DOP1B: variants seen among roughly 807,000 people sequenced by gnomAD.
The protein encoded by DOP1B is protein DOP1B.
In DOP1B, 174 loss-of-function variants were observed where a neutral mutation model predicts 233.5. The observed-to-expected ratio is 0.75, with a 90% CI of 0.66 to 0.85. The LOEUF (loss-of-function observed/expected upper bound fraction) is 0.85, where lower values mean the gene tolerates loss of function less well. Ranked by LOEUF, DOP1B falls within the 40% of genes least tolerant of loss-of-function variation. The pLI is 0.00. For synonymous variants in DOP1B, 1,190 were observed against 1,185.6 expected, an observed-to-expected ratio of 1.00 and a Z score of -0.08; for missense variants, 2,652 against 2,846.6, an observed-to-expected ratio of 0.93 and a Z score of 1.56.
chr21:36,189,126 T>C (rs904627783), intron 2 of DOP1B, among the ~76,000 whole-genome samples: 5 of 152,174 alleles, frequency 3.3e-5, no homozygotes, highest in African/African-American at 1.2e-4. Context: ...TACTGTCAGG[T>C]TGTGTAAAGT....
At chr21:36,272,265 A>C (rs2067297169) in intron 27 of DOP1B, among the ~76,000 whole-genome samples, 1 of 152,134 alleles carries the variant, frequency 6.6e-6, no homozygotes, top group Non-Finnish European at 1.5e-5. Flanking sequence ...AGGTGAGAGG[A>C]TGGCTTGAGG....
chr21:36,195,549 G>A (rs2066281882), intron 2 of DOP1B, among the ~76,000 whole-genome samples: 1 of 151,970 alleles, frequency 6.6e-6, no homozygotes, highest in Admixed American at 6.6e-5. Context: ...ATCAAAACAT[G>A]ATAAACATGG....
chr21:36,217,091 A>G (rs1569027364), intron 9 of DOP1B, among the ~76,000 whole-genome samples: 1 of 150,258 alleles, frequency 6.7e-6, no homozygotes, highest in African/African-American at 2.5e-5. Flanking sequence ...AAAAAAAAAA[A>G]AAAGAGAGCT....
chr21:36,281,613 T>C lies in DOP1B; in HGVS notation c.6160+2T>C, dbSNP rs776407339. The C allele has an allele frequency of 6.3e-7, 1 of 1,580,312 alleles. No homozygotes were observed. Among genetic ancestry groups the C allele is most frequent in the Non-Finnish European group, 8.7e-7 (1 of 1,155,008 alleles). On this transcript the variant is annotated splice_donor_variant, in intron 32 of 36. Coordinates refer to ENST00000691173, the MANE Select transcript of DOP1B (RefSeq NM_001320714.2). LOFTEE classifies it high-confidence loss of function. ...ACCTTTACCTTCCACTGATACAAGGTAAGACAGCTGTCTTAGTCTGTTTTT... is the reference window on the plus strand; with the variant it reads ...ACCTTTACCTTCCACTGATACAAGGCAAGACAGCTGTCTTAGTCTGTTTTT...
rs761100361 is a variant in DOP1B at position 36,225,677 on chromosome 21, G to A, written c.1473+10G>A. On this transcript the variant is annotated intron_variant, in intron 12 of 36. Transcript: ENST00000691173. ...GGATGTCATTCCTTTGGTGAGTGCT[G>A]GGGAAGGGACATCTCAACGCCTGCT... 6.2e-7 allele frequency: 1 copy of A among 1,613,894 alleles called. No homozygotes were observed.
At position 36,200,485 on chromosome 21, in the gene DOP1B, TC is replaced by T; in HGVS notation, c.477del (p.Glu160ArgfsTer11). 6.2e-7 allele frequency: 1 copy of T among 1,608,276 alleles called. No individual in the cohort carries two copies. Among genetic ancestry groups the T allele is most frequent in the Non-Finnish European group, 8.5e-7 (1 of 1,178,390 alleles). ...VGLLPGLEEG[S>X]EISDRTDALL... ...CCTGCTGCCCGGCCTTGAAGAGGGC[TC>T]CGAGATCTCCGACAGGTGCGTGGGC... On this transcript the variant is annotated frameshift_variant, in exon 4 of 37. Transcript: ENST00000691173. LOFTEE classifies it high-confidence loss of function.
At chr21:36,197,026 G>A (rs948294035) in intron 2 of DOP1B, among the ~76,000 whole-genome samples, 6 of 151,214 alleles carry the variant, frequency 4.0e-5, no homozygotes, top group Admixed American at 4.0e-4. Context: ...TCTGCCTCCT[G>A]GGTTCAAGTG....
chr21:36,246,488 T>C lies in DOP1B; in HGVS notation c.4508T>C (p.Val1503Ala). 6.2e-7 allele frequency: 1 copy of C among 1,614,084 alleles called. No individual in the cohort carries two copies. ...TCCCAGGGTCTTCTGGTCTCTGCGG[T>C]GGTGAGGGGTCTGCAGCCCGCCTAC... The part of the protein sequence containing the change: ...LTSQGLLVSA[V>A]VRGLQPAYGY... The change falls in exon 19 of 37, where the codon GTG (valine) becomes GCG (alanine). Residue 1503 changes from valine (V) to alanine (A), a missense_variant. By Grantham distance (64) the Val-to-Ala change is moderately conservative. Coordinates refer to ENST00000691173, the MANE Select transcript of DOP1B (RefSeq NM_001320714.2). This position sits in a 1 kb window ranked among gnomAD's most constrained non-coding sequence, Gnocchi z 5.1.
At chr21:36,201,342 A>ATTTTTTTTTTTTTTTT (rs1187890925) in intron 4 of DOP1B, among the ~76,000 whole-genome samples, 1 of 46,982 alleles carries the variant, frequency 2.1e-5, no homozygotes, top group African/African-American at 1.2e-4. Context: ...TATCTATTGG[A>ATTTTTTTTTTTTTTTT]TTCTTTTTTT....
Position 36,230,858 on chromosome 21 carries a change from T to C in DOP1B, c.2074T>C (p.Phe692Leu), listed in dbSNP as rs2066755498. Residue 692 changes from phenylalanine to leucine, a missense_variant, in exon 14 of 37, where the codon TTC becomes CTC. Around this residue, in one of 3 missense-constraint regions of DOP1B, gnomAD observed 2,617 missense variants for 2,794.3 expected, o/e 0.94. Coordinates refer to ENST00000691173, the MANE Select transcript of DOP1B (RefSeq NM_001320714.2). ...WEPKPITVPQFKQMLSDLFTA... is the reference protein window; with the variant it reads ...WEPKPITVPQLKQMLSDLFTA... ...GCCCAAGCCCATCACTGTGCCTCAGTTCAAGCAGATGCTGTCAGACTTGTT... is the reference window on the plus strand; with the variant it reads ...GCCCAAGCCCATCACTGTGCCTCAGCTCAAGCAGATGCTGTCAGACTTGTT... The C allele has an allele frequency of 4.3e-6, 7 of 1,613,924 alleles. No individual in the cohort carries two copies. Among genetic ancestry groups the C allele is most frequent in the Non-Finnish European group, 5.9e-6 (7 of 1,179,978 alleles).
intron 18 of DOP1B, among the ~76,000 whole-genome samples, chr21:36,240,893 C>T (rs900172468): frequency 6.6e-6 from 1 of 152,108 alleles, no homozygotes; most frequent in African/African-American, 2.4e-5. Context: ...AGAAGAAGTA[C>T]TGCATTCATT....
intron 1 of DOP1B, among the ~76,000 whole-genome samples, chr21:36,164,189 C>A (rs2065889499): frequency 6.6e-6 from 1 of 152,146 alleles, no homozygotes; most frequent in East Asian, 1.9e-4. Flanking sequence ...CATGGTGATA[C>A]ATCCCAATAG....
intron 35 of DOP1B, 30 bp from the exon 36 acceptor site, chr21:36,292,074 C>T (rs9977791): frequency 0.26 from 413,618 of 1,567,866 alleles, 56,758 homozygotes; most frequent in Middle Eastern, 0.31. Flanking sequence ...CTCTTACCAG[C>T]AGACCTGACC....
rs763666922 is a variant in DOP1B, at chr21:36,245,646, G to A, written c.3666G>A (p.Glu1222=). Residue 1222 remains glutamate, a synonymous_variant, in exon 19 of 37, where the codon GAG becomes GAA. Transcript: ENST00000691173. This position sits in a 1 kb window ranked among gnomAD's most constrained non-coding sequence, Gnocchi z 5.5. ...AGCGGGAAAGGCAGGAGGCCGTCGA[G>A]GCCTTGTTCAAGCACATCCTGCTCT... is the stretch of plus-strand genomic sequence containing the variant. The part of the protein sequence containing the change: ...KQQRERQEAV[E]ALFKHILLYL... 2 of 1,613,504 alleles carry A rather than the reference G, an allele frequency of 1.2e-6. No individual in the cohort carries two copies. Among genetic ancestry groups the A allele is most frequent in the Non-Finnish European group, 1.7e-6 (2 of 1,179,990 alleles).
In DOP1B at chr21:36,211,620, TTC is replaced by T. The variant is rs1165949715; in HGVS notation, c.751_752del (p.Leu251ValfsTer13). On this transcript the variant is annotated frameshift_variant, in exon 6 of 37. Transcript: ENST00000691173. LOFTEE classifies it high-confidence loss of function. ...GTGCAAAGAAATAATCTGGAAATCG[TTC>T]TGTTTTTCTTCCCATTTTATACCTG... 26 of 1,614,158 alleles carry T rather than the reference TTC, an allele frequency of 1.6e-5. No homozygotes were observed. The highest frequency in any genetic ancestry group is 2.0e-5 in the Non-Finnish European group (24 of 1,180,030).
chr21:36,248,458 A>G lies in DOP1B; in HGVS notation c.4888A>G (p.Thr1630Ala). Residue 1630 changes from threonine (T) to alanine (A), a missense_variant, in exon 21 of 37, where the codon ACC (threonine) becomes GCC (alanine). Thr to Ala is a moderately conservative substitution (Grantham distance 58, BLOSUM62 0). Coordinates refer to ENST00000691173, the MANE Select transcript of DOP1B (RefSeq NM_001320714.2). Reference sequence around the variant, plus strand: ...GGAAGAGCTGCCTCGAACTGTTAACACCATGGCCCTTCTCTGGAATGTTCT... The same window carrying G: ...GGAAGAGCTGCCTCGAACTGTTAACGCCATGGCCCTTCTCTGGAATGTTCT... ...ILEELPRTVN[T>A]MALLWNVLRK... The G allele has an allele frequency of 6.2e-7, 1 of 1,614,106 alleles. No homozygotes were observed. Among genetic ancestry groups the G allele is most frequent in the Non-Finnish European group, 8.5e-7 (1 of 1,179,996 alleles).
intron 14 of DOP1B, among the ~76,000 whole-genome samples, chr21:36,231,671 G>GTTTT (rs1223755186): frequency 2.7e-5 from 4 of 146,510 alleles, no homozygotes; most frequent in African/African-American, 5.1e-5. Flanking sequence ...TTTGTGTTGG[G>GTTTT]TTTTTTTGTT....
chr21:36,211,682 C>T, intron 6 of DOP1B, 31 bp downstream of exon 6: 2 of 1,603,792 alleles, frequency 1.2e-6, no homozygotes, highest in Non-Finnish European at 1.7e-6. Context: ...TGGTAAGTCA[C>T]TGGTGTTTCC....
At chr21:36,213,313 C>T (rs545491040) in intron 7 of DOP1B, among the ~76,000 whole-genome samples, 41 of 152,262 alleles carry the variant, frequency 2.7e-4, no homozygotes, top group African/African-American at 9.9e-4. Flanking sequence ...GGCCTGACCA[C>T]AGTGCCAGCT....
Sources: gnomAD v4.1 joint callset for allele counts (sites outside exome capture counted in the v4.1 genomes callset) on GRCh38, gnomAD v4.1.1 for gene constraint, gnomAD v4.1.1 regional missense constraint, Gnocchi (gnomAD v3.1) non-coding constraint, MANE v1.5 for transcripts, NCBI Gene and HGNC (gene_info 2026-07-23, HGNC 2026-07-21) for gene names.